The following MED13L variants were observed in gnomAD, a reference collection of about 807,000 sequenced individuals.
MED13L encodes the protein mediator of RNA polymerase II transcription subunit 13-like.
Under a neutral mutation model 220.9 loss-of-function variants are expected in MED13L, and 7 were observed. That is an observed-to-expected ratio of 0.03 (90% CI 0.02 to 0.06). The LOEUF (loss-of-function observed/expected upper bound fraction) is 0.06. Ranked by LOEUF, MED13L falls within the 10% of genes least tolerant of loss-of-function variation. The pLI is 1.00. For synonymous variants in MED13L, 1,011 were observed against 1,015.2 expected (o/e 1.00, Z 0.08); for missense variants, 1,965 against 2,760.5 (o/e 0.71, Z 6.46).
chr12:116,086,901 T>C (rs764072101), intron 4 of MED13L, among the ~76,000 whole-genome samples: 4 of 152,182 alleles, frequency 2.6e-5, no homozygotes, highest in Non-Finnish European at 5.9e-5. Context: ...ATTTCAAACA[T>C]TTGGTAAGAC....
At chr12:116,105,523 G>A (rs1873490275) in intron 3 of MED13L, among the ~76,000 whole-genome samples, 1 of 152,152 alleles carries the variant, frequency 6.6e-6, no homozygotes, top group Non-Finnish European at 1.5e-5. Flanking sequence ...AATTCAGAAT[G>A]TATACTCTCA....
intron 2 of MED13L, among the ~76,000 whole-genome samples, chr12:116,141,290 G>A (rs974163516): frequency 3.3e-5 from 5 of 152,080 alleles, no homozygotes; most frequent in Non-Finnish European, 5.9e-5. Context: ...TATAAATGAA[G>A]GGCTATAAAC....
chr12:116,236,086 A>T (rs1450696443), intron 2 of MED13L, among the ~76,000 whole-genome samples: 1 of 152,232 alleles, frequency 6.6e-6, no homozygotes, highest in African/African-American at 2.4e-5. Context: ...TCTTATTTTT[A>T]AAATTCTGAT....
At chr12:116,210,110 T>C (rs772779759) in intron 2 of MED13L, among the ~76,000 whole-genome samples, 5 of 152,050 alleles carry the variant, frequency 3.3e-5, no homozygotes, top group Admixed American at 6.6e-5. Flanking sequence ...AGATAAAACA[T>C]TGTGGGAAAG....
chr12:116,005,969 C>T lies in MED13L; in HGVS notation c.2369G>A (p.Gly790Asp). 6.2e-7 allele frequency: 1 copy of T among 1,613,918 alleles called. No homozygotes were observed. Among genetic ancestry groups the T allele is most frequent in the Non-Finnish European group, 8.5e-7 (1 of 1,179,868 alleles). The change falls in exon 13 of 31, where the codon GGC (glycine) becomes GAC (aspartate). Residue 790 changes from glycine to aspartate, a missense_variant. Transcript: ENST00000281928. ...KTDVRQDNAAGRAGSSSLTQV... is the reference protein window; with the variant it reads ...KTDVRQDNAADRAGSSSLTQV... Reference sequence around the variant, plus strand: ...TGTAAGGCTACTGGAGCCAGCTCTGCCAGCAGCATTATCCTGCCGGACATC... The same window carrying T: ...TGTAAGGCTACTGGAGCCAGCTCTGTCAGCAGCATTATCCTGCCGGACATC...
chr12:116,232,383 T>C (rs1170478530), intron 2 of MED13L, among the ~76,000 whole-genome samples: 1 of 152,210 alleles, frequency 6.6e-6, no homozygotes, highest in East Asian at 1.9e-4. Flanking sequence ...TATTTAGTGC[T>C]AAATATTTGT....
At chr12:116,206,223 G>A (rs1159946439) in intron 2 of MED13L, among the ~76,000 whole-genome samples, 1 of 151,698 alleles carries the variant, frequency 6.6e-6, no homozygotes, top group East Asian at 1.9e-4. Flanking sequence ...TGGGACTACA[G>A]GCATACACCT....
chr12:116,045,799 T>C (rs1388123660), intron 4 of MED13L, among the ~76,000 whole-genome samples: 1 of 152,002 alleles, frequency 6.6e-6, no homozygotes, highest in African/African-American at 2.4e-5. Context: ...AAAATATTAA[T>C]GCAATAAAAA....
chr12:116,173,670 T>C (rs1313707737), intron 2 of MED13L, among the ~76,000 whole-genome samples: 1 of 152,104 alleles, frequency 6.6e-6, no homozygotes, highest in East Asian at 1.9e-4. Context: ...AGAGCATGCA[T>C]TTGCTGGATA....
chr12:116,187,254 CACTT>C (rs2138249713), intron 2 of MED13L, among the ~76,000 whole-genome samples: 2 of 152,348 alleles, frequency 1.3e-5, no homozygotes, highest in Admixed American at 6.5e-5. Context: ...CCTCCTCTCT[CACTT>C]ACGTGTTCTT....
chr12:116,230,603 G>T, intron 2 of MED13L: 1 of 409,858 alleles, frequency 2.4e-6, no homozygotes, highest in Non-Finnish European at 3.3e-6. Flanking sequence ...TAATTTCAAT[G>T]ACTCACAAAT....
intron 2 of MED13L, among the ~76,000 whole-genome samples, chr12:116,202,654 G>C (rs1302466405): frequency 2.0e-5 from 3 of 151,968 alleles, no homozygotes; most frequent in Non-Finnish European, 4.4e-5. Flanking sequence ...CCCATGCCTC[G>C]GCTTACGCAT....
intron 2 of MED13L, among the ~76,000 whole-genome samples, chr12:116,184,511 T>C (rs1165349299): frequency 6.6e-6 from 1 of 152,148 alleles, no homozygotes; most frequent in East Asian, 1.9e-4. Flanking sequence ...AAAAAAACTT[T>C]AGGCTTGTTC....
intron 2 of MED13L, among the ~76,000 whole-genome samples, chr12:116,199,809 C>T (rs569741907): frequency 6.6e-6 from 1 of 152,034 alleles, no homozygotes; most frequent in East Asian, 1.9e-4. Context: ...ACCATACTTC[C>T]AACATTTAAG....
At chr12:116,157,344 C>G (rs1255232799) in intron 2 of MED13L, among the ~76,000 whole-genome samples, 1 of 152,156 alleles carries the variant, frequency 6.6e-6, no homozygotes, top group Non-Finnish European at 1.5e-5. Context: ...TGTCTGAGGA[C>G]AGGGACCATG....
chr12:116,064,964 G>C (rs1307942978), intron 4 of MED13L, among the ~76,000 whole-genome samples: 1 of 152,146 alleles, frequency 6.6e-6, no homozygotes, highest in Non-Finnish European at 1.5e-5. Context: ...ATACAGTCAA[G>C]CAACAATGGA....
chr12:116,100,488 T>G (rs984718510), intron 3 of MED13L, among the ~76,000 whole-genome samples: 1 of 149,660 alleles, frequency 6.7e-6, no homozygotes, highest in African/African-American at 2.5e-5. Context: ...TAATCCCACC[T>G]ACTCGGGAGG....
At chr12:116,050,170 T>C (rs1384553264) in intron 4 of MED13L, among the ~76,000 whole-genome samples, 1 of 152,168 alleles carries the variant, frequency 6.6e-6, no homozygotes, top group Non-Finnish European at 1.5e-5. Context: ...AAGTTAAAAT[T>C]ATGACTCTAA....
rs369882791 is a variant in MED13L at position 115,961,229 on chromosome 12, G to C, written c.*37C>G. On this transcript the variant is annotated 3_prime_UTR_variant, in exon 31 of 31. Coordinates refer to ENST00000281928, the MANE Select transcript of MED13L (RefSeq NM_015335.5). ...GTTCCTTGGACTGAGGTTGCAGGGA[G>C]AAGGAACTGAGCCAGAGAGAACAAG... The C allele has an allele frequency of 6.2e-7, 1 of 1,613,298 alleles. No homozygotes were observed. Among genetic ancestry groups the C allele is most frequent in the Admixed American group, 1.7e-5 (1 of 59,994 alleles).
Sources: gnomAD v4.1 joint callset for allele counts (sites outside exome capture counted in the v4.1 genomes callset) on GRCh38, gnomAD v4.1.1 for gene constraint, MANE v1.5 for transcripts, NCBI Gene and HGNC (gene_info 2026-07-23, HGNC 2026-07-21) for gene names.